The following TBC1D21 variants were observed in gnomAD, a reference collection of about 807,000 sequenced individuals.
TBC1D21 encodes the protein male germ cell Rab GTPase-activating protein.
In TBC1D21, 38 loss-of-function variants were observed where a neutral mutation model predicts 46.0. That is an observed-to-expected ratio of 0.83 (90% CI 0.64 to 1.08). The LOEUF (loss-of-function observed/expected upper bound fraction) is 1.08, where lower values mean the gene tolerates loss of function less well. Among genes scored for constraint, TBC1D21 ranks in the 50% least tolerant of loss-of-function variants. The pLI is 0.00. For missense variants in TBC1D21, 415 were observed against 417.9 expected (o/e 0.99, Z 0.06); for synonymous variants, 151 against 157.2 (o/e 0.96, Z 0.29).
chr15:73,893,364 A>G (rs1027112621), downstream of TBC1D21, among the ~76,000 whole-genome samples: 13 of 152,326 alleles, frequency 8.5e-5, no homozygotes, highest in Middle Eastern at 3.4e-3. Context: ...GAGCATAAAG[A>G]AAATGGAAGC....
At chr15:73,909,483 G>C in the TBC1D21 span, among the ~76,000 whole-genome samples, 1 of 152,160 alleles carries the variant, frequency 6.6e-6, no homozygotes, top group East Asian at 1.9e-4. Flanking sequence ...GGCTTCACGA[G>C]AGATGAAGGA....
chr15:73,900,377 G>A, the TBC1D21 span, among the ~76,000 whole-genome samples: 1 of 152,224 alleles, frequency 6.6e-6, no homozygotes, highest in African/African-American at 2.4e-5. Context: ...ATGTAACCAT[G>A]CACGGCAGTC....
In TBC1D21 at chr15:73,885,067, G is replaced by T; in HGVS notation, c.543G>T (p.Glu181Asp). ...LFQLMVEHDH[E>D]TFWLFQFFLQ... ...AGCTGATGGTGGAGCACGACCACGA[G>T]ACCTTCTGGCTTTTCCAGTTCTTCC... The change falls in exon 6 of 11, where the codon GAG becomes GAT. Residue 181 changes from glutamate (E) to aspartate (D), a missense_variant. By Grantham distance (45) the Glu-to-Asp change is conservative. Transcript: ENST00000300504. 6.2e-7 allele frequency: 1 copy of T among 1,613,338 alleles called. No individual in the cohort carries two copies.
chr15:73,876,525 G>A (rs1362017699), intron 1 of TBC1D21, among the ~76,000 whole-genome samples: 1 of 151,554 alleles, frequency 6.6e-6, no homozygotes, highest in Non-Finnish European at 1.5e-5. Flanking sequence ...TTACAGGCGT[G>A]AGCCACCGCG....
intron 1 of TBC1D21, 41 bp downstream of exon 1, chr15:73,873,810 C>A (rs776004305): frequency 1.3e-6 from 2 of 1,594,146 alleles, no homozygotes; most frequent in South Asian, 2.3e-5. Context: ...CCCTCCCCAG[C>A]CTCTGGTTGG....
chr15:73,876,208 T>G lies in TBC1D21; in HGVS notation c.60+2439T>G, dbSNP rs1245946132. Among the ~76,000 whole-genome samples, 160 of 22,296 alleles carry G rather than the reference T, an allele frequency of 7.2e-3. 8 individuals are homozygous for G. Among genetic ancestry groups the G allele is most frequent in the South Asian group, 0.026 (11 of 426 alleles). The allele number at this position is 22,296 out of a possible 152,430, so 14.6% of individuals were successfully genotyped here. On this transcript the variant is annotated intron_variant, in intron 1 of 10. Coordinates refer to ENST00000300504, the MANE Select transcript of TBC1D21 (RefSeq NM_153356.3). Reference sequence around the variant, plus strand: ...GTGACTTTTTTTGTGGGTTTTTTTTTTTTTTTTTTTTTTTTTTTTTTTTTT... The same window carrying G: ...GTGACTTTTTTTGTGGGTTTTTTTTGTTTTTTTTTTTTTTTTTTTTTTTTT...
chr15:73,886,096 A>T lies in TBC1D21; in HGVS notation c.598A>T (p.Asn200Tyr). ...TGTGCAGGAACACAGCTGTGTCATC[A>T]ACATTGGCGTGGCCAAGAACCTAGA... is the stretch of plus-strand genomic sequence containing the variant. The part of the protein sequence containing the change: ...LQKTEHSCVI[N>Y]IGVAKNLDML... The change falls in exon 7 of 11, where the codon AAC (asparagine) becomes TAC (tyrosine). Residue 200 changes from asparagine (N) to tyrosine (Y), a missense_variant. Physicochemically the swap from Asn to Tyr is moderately radical, Grantham distance 143 (BLOSUM62 -2). Coordinates refer to ENST00000300504, the MANE Select transcript of TBC1D21 (RefSeq NM_153356.3). 1 of 1,614,184 alleles carries T rather than the reference A, an allele frequency of 6.2e-7. No homozygotes were observed. Among genetic ancestry groups the T allele is most frequent in the Non-Finnish European group, 8.5e-7 (1 of 1,180,014 alleles).
the TBC1D21 span, among the ~76,000 whole-genome samples, chr15:73,897,392 T>C: frequency 6.6e-6 from 1 of 152,246 alleles, no homozygotes; most frequent in African/African-American, 2.4e-5. Flanking sequence ...AAATGGTAGC[T>C]GTTGGAAAGC....
At chr15:73,883,284 A>G (rs1458641761) in intron 3 of TBC1D21, among the ~76,000 whole-genome samples, 2 of 152,196 alleles carry the variant, frequency 1.3e-5, no homozygotes, top group Non-Finnish European at 2.9e-5. Flanking sequence ...CTCTGACAAG[A>G]GCCCACCTGT....
the TBC1D21 span, among the ~76,000 whole-genome samples, chr15:73,898,152 C>A: frequency 6.6e-6 from 1 of 152,236 alleles, no homozygotes; most frequent in Non-Finnish European, 1.5e-5. Flanking sequence ...GTCTCCAACC[C>A]CTCACCATGC....
At chr15:73,884,931 C>A in intron 5 of TBC1D21, 40 bp downstream of exon 5, 1 of 1,610,760 alleles carries the variant, frequency 6.2e-7, no homozygotes, top group Non-Finnish European at 8.5e-7. Context: ...CTCCCAGGAC[C>A]TGGCCCAACC....
At chr15:73,893,703 A>G (rs1443292381), downstream of TBC1D21, among the ~76,000 whole-genome samples, 1 of 152,102 alleles carries the variant, frequency 6.6e-6, no homozygotes, top group Non-Finnish European at 1.5e-5. Flanking sequence ...GGGCTTTTGC[A>G]CCTACCCTCA....
intron 1 of TBC1D21, among the ~76,000 whole-genome samples, chr15:73,879,977 A>ACC (rs2068125721): frequency 6.7e-6 from 1 of 148,446 alleles, no homozygotes; most frequent in Non-Finnish European, 1.5e-5. Context: ...GCTGACTGCA[A>ACC]CCTCTGCCTA....
At chr15:73,880,077 A>G (rs1313009639) in intron 1 of TBC1D21, among the ~76,000 whole-genome samples, 3 of 151,988 alleles carry the variant, frequency 2.0e-5, no homozygotes, top group Admixed American at 6.6e-5. Flanking sequence ...TTGTATTTTT[A>G]GTAGAGACAG....
chr15:73,907,195 G>A, the TBC1D21 span, among the ~76,000 whole-genome samples: 1 of 151,502 alleles, frequency 6.6e-6, no homozygotes, highest in African/African-American at 2.4e-5. Context: ...CAGCTAACTA[G>A]CCCAGAGCAA....
At chr15:73,879,674 C>T (rs531004333) in intron 1 of TBC1D21, among the ~76,000 whole-genome samples, 5 of 152,248 alleles carry the variant, frequency 3.3e-5, no homozygotes, top group African/African-American at 1.2e-4. Flanking sequence ...GATTTGTACG[C>T]CAATTTAATT....
intron 3 of TBC1D21, among the ~76,000 whole-genome samples, chr15:73,883,597 G>A (rs946731068): frequency 6.6e-6 from 1 of 152,182 alleles, no homozygotes; most frequent in Non-Finnish European, 1.5e-5. Flanking sequence ...GATCTCGTCC[G>A]GAGATCCTTG....
intron 1 of TBC1D21, among the ~76,000 whole-genome samples, chr15:73,879,798 A>G (rs1295020187): frequency 6.6e-6 from 1 of 152,170 alleles, no homozygotes; most frequent in Non-Finnish European, 1.5e-5. Context: ...GCATTTCAAG[A>G]TATTCTTCTC....
intron 10 of TBC1D21, 149 bp from the exon 11 acceptor site, chr15:73,888,920 T>C: frequency 3.3e-6 from 3 of 903,950 alleles, no homozygotes; most frequent in South Asian, 1.5e-5. Context: ...CTGTACTACT[T>C]GAGAGCAGGG....
Sources: gnomAD v4.1 joint callset for allele counts (sites outside exome capture counted in the v4.1 genomes callset) on GRCh38, gnomAD v4.1.1 for gene constraint, MANE v1.5 for transcripts, NCBI Gene and HGNC (gene_info 2026-07-23, HGNC 2026-07-21) for gene names.